Variants in EDIL3 observed in about 807,000 individuals in gnomAD.
The protein encoded by EDIL3 is EGF-like repeat and discoidin I-like domain-containing protein 3.
A neutral mutation model predicts 67.4 loss-of-function variants in EDIL3; 37 were observed. That is an observed-to-expected ratio of 0.55 (90% CI 0.42 to 0.72). The LOEUF is 0.72. Ranked by LOEUF, EDIL3 falls within the 30% of genes least tolerant of loss-of-function variation. The probability of loss-of-function intolerance (pLI) is 0.00; values close to 1 mark genes in which losing one functional copy is unlikely to be tolerated. For missense variants in EDIL3, 527 were observed against 586.3 expected (o/e 0.90, Z 1.04); for synonymous variants, 195 against 196.3 (o/e 0.99, Z 0.05).
chr5:84,049,149 C>T (rs1746284178), intron 9 of EDIL3, among the ~76,000 whole-genome samples: 1 of 152,044 alleles, frequency 6.6e-6, no homozygotes, highest in African/African-American at 2.4e-5. Context: ...CTGATGCTAC[C>T]TAGATATAGA....
intron 1 of EDIL3, among the ~76,000 whole-genome samples, chr5:84,347,841 A>C (rs1316542576): frequency 6.6e-6 from 1 of 152,210 alleles, no homozygotes; most frequent in Non-Finnish European, 1.5e-5. Flanking sequence ...TTTATGAGAC[A>C]CATTCATATT....
At chr5:84,114,000 C>T (rs1747619073) in intron 5 of EDIL3, among the ~76,000 whole-genome samples, 1 of 152,126 alleles carries the variant, frequency 6.6e-6, no homozygotes, top group Non-Finnish European at 1.5e-5. Context: ...GTAAGCTTTC[C>T]TCTGTGCCAC....
chr5:84,254,461 C>T (rs1216409934), intron 1 of EDIL3, among the ~76,000 whole-genome samples: 1 of 152,080 alleles, frequency 6.6e-6, no homozygotes, highest in Non-Finnish European at 1.5e-5. Flanking sequence ...GTTTGGAGTT[C>T]CTTCATAATA....
At chr5:84,026,180 A>G (rs1238699079) in intron 9 of EDIL3, among the ~76,000 whole-genome samples, 1 of 152,174 alleles carries the variant, frequency 6.6e-6, no homozygotes, top group Non-Finnish European at 1.5e-5. Context: ...CATTTTAACA[A>G]GATGTCCAGG....
chr5:84,290,347 T>C (rs1249079733), intron 1 of EDIL3, among the ~76,000 whole-genome samples: 2 of 152,170 alleles, frequency 1.3e-5, no homozygotes, highest in Non-Finnish European at 2.9e-5. Context: ...CTGCTGCCCT[T>C]ACTCCCTCTA....
intron 3 of EDIL3, among the ~76,000 whole-genome samples, chr5:84,219,597 A>G (rs1744298093): frequency 6.6e-6 from 1 of 152,168 alleles, no homozygotes; most frequent in Non-Finnish European, 1.5e-5. Flanking sequence ...ATGATCCAGA[A>G]ATCCCACTGC....
At chr5:84,108,737 G>T (rs1479888406) in intron 5 of EDIL3, among the ~76,000 whole-genome samples, 6 of 152,134 alleles carry the variant, frequency 3.9e-5, no homozygotes, top group Non-Finnish European at 7.3e-5. Context: ...TCATCAAAGG[G>T]GTCTCAAGCA....
chr5:83,961,614 T>A (rs1744608991), intron 10 of EDIL3, among the ~76,000 whole-genome samples: 1 of 151,236 alleles, frequency 6.6e-6, no homozygotes, highest in East Asian at 1.9e-4. Flanking sequence ...TACACATGGA[T>A]AAGTAAATAC....
At chr5:84,055,487 A>C (rs1023548078) in intron 9 of EDIL3, among the ~76,000 whole-genome samples, 13 of 150,170 alleles carry the variant, frequency 8.7e-5, no homozygotes, top group Non-Finnish European at 1.8e-4. Flanking sequence ...GAGCTTCTGC[A>C]CAGCAAAAGA....
At chr5:83,974,202 A>G (rs992501056) in intron 9 of EDIL3, among the ~76,000 whole-genome samples, 2 of 151,902 alleles carry the variant, frequency 1.3e-5, no homozygotes, top group Admixed American at 1.3e-4. Context: ...AACAATCCAA[A>G]GAAACCCAGA....
chr5:84,103,478 A>G (rs908271583), intron 6 of EDIL3, among the ~76,000 whole-genome samples: 13 of 152,100 alleles, frequency 8.5e-5, no homozygotes, highest in Non-Finnish European at 1.5e-4. Flanking sequence ...CATCTGATAA[A>G]GGTCTAATAT....
chr5:84,235,155 T>C (rs1007345701), intron 2 of EDIL3, among the ~76,000 whole-genome samples: 1 of 152,162 alleles, frequency 6.6e-6, no homozygotes, highest in Admixed American at 6.6e-5. Context: ...TTATCTGTTG[T>C]CCTTGGCCAA....
intron 6 of EDIL3, among the ~76,000 whole-genome samples, chr5:84,094,262 G>C (rs1747220898): frequency 6.6e-6 from 1 of 151,972 alleles, no homozygotes; most frequent in African/African-American, 2.4e-5. Flanking sequence ...AATTCAAATA[G>C]AAATCATAAT....
intron 5 of EDIL3, among the ~76,000 whole-genome samples, chr5:84,124,978 CTTA>C (rs1327388845): frequency 6.6e-6 from 1 of 151,944 alleles, no homozygotes; most frequent in Non-Finnish European, 1.5e-5. Context: ...CCTTGAACTA[CTTA>C]TTATTAATTA....
intron 1 of EDIL3, among the ~76,000 whole-genome samples, chr5:84,279,518 G>C (rs1454224330): frequency 6.6e-6 from 1 of 152,150 alleles, no homozygotes; most frequent in Admixed American, 6.6e-5. Context: ...AACAGATTAT[G>C]CTATGATGTA....
At position 84,176,190 on chromosome 5, in the gene EDIL3, ATATATAT is replaced by A. The variant is rs1415479991; in HGVS notation, c.355+4196_355+4202del. The stretch of plus-strand genomic sequence containing the variant: ...TTTCTCAGTGGTAAAAAATATATAT[ATATATAT>A]AATATATATATATATATATATATAT... On this transcript the variant is annotated intron_variant, in intron 4 of 10. Coordinates refer to ENST00000296591, the MANE Select transcript of EDIL3 (RefSeq NM_005711.5). Among the ~76,000 whole-genome samples, 61 of 28,998 alleles carry A rather than the reference ATATATAT, an allele frequency of 2.1e-3. 1 individual carries two copies. Among genetic ancestry groups the A allele is most frequent in the African/African-American group, 5.7e-3 (32 of 5,614 alleles). 19.0% of individuals were successfully genotyped at this position (28,998 alleles called of 152,430 possible).
At chr5:84,214,316 C>T (rs1744184368) in intron 3 of EDIL3, among the ~76,000 whole-genome samples, 1 of 152,046 alleles carries the variant, frequency 6.6e-6, no homozygotes, top group Non-Finnish European at 1.5e-5. Flanking sequence ...ATTCCAGGAA[C>T]CCTCAGGGAG....
intron 1 of EDIL3, among the ~76,000 whole-genome samples, chr5:84,287,943 A>G (rs1271752096): frequency 6.6e-6 from 1 of 152,064 alleles, no homozygotes; most frequent in Non-Finnish European, 1.5e-5. Context: ...TGTAACTTCA[A>G]ATAGTCTTCT....
chr5:84,113,699 C>A (rs967947438), intron 5 of EDIL3, among the ~76,000 whole-genome samples: 9 of 152,154 alleles, frequency 5.9e-5, no homozygotes, highest in African/African-American at 1.9e-4. Flanking sequence ...GCTGATTAAG[C>A]CTTTCAAATA....
Sources: allele counts gnomAD v4.1 joint callset (sites outside exome capture counted in the v4.1 genomes callset), GRCh38; gene constraint gnomAD v4.1.1; transcripts MANE v1.5; gene names NCBI Gene and HGNC (gene_info 2026-07-23, HGNC 2026-07-21).